The following ASPM variants were observed in gnomAD, a reference collection of about 807,000 sequenced individuals.
The protein encoded by ASPM is assembly factor for spindle microtubules.
A neutral mutation model predicts 366.4 loss-of-function variants in ASPM; 256 were observed. That is an observed-to-expected ratio of 0.70 (90% CI 0.63 to 0.77). The LOEUF (loss-of-function observed/expected upper bound fraction) is 0.77, where lower values mean the gene tolerates loss of function less well. Among genes scored for constraint, ASPM ranks in the 30% least tolerant of loss-of-function variants. ASPM has a pLI of 0.00. For synonymous variants in ASPM, 1,414 were observed against 1,342.9 expected (o/e 1.05, Z -1.16); for missense variants, 4,146 against 4,090.4 (o/e 1.01, Z -0.37).
At chr1:197,119,513 A>T (rs1657843018) in intron 16 of ASPM, among the ~76,000 whole-genome samples, 2 of 152,192 alleles carry the variant, frequency 1.3e-5, no homozygotes, top group Non-Finnish European at 2.9e-5. Context: ...TTTACATGCC[A>T]TTAGAGAATT....
chr1:197,132,868 C>G (rs1658305729), intron 6 of ASPM, among the ~76,000 whole-genome samples: 1 of 151,630 alleles, frequency 6.6e-6, no homozygotes, highest in South Asian at 2.1e-4. Flanking sequence ...ACTGAAATAG[C>G]CTAAGCATAG....
intron 1 of ASPM, among the ~76,000 whole-genome samples, chr1:197,145,549 CGACTCTAA>C (rs1048023354): frequency 3.3e-5 from 5 of 151,818 alleles, no homozygotes; most frequent in Non-Finnish European, 7.4e-5. Context: ...CCAGTTACCT[CGACTCTAA>C]GGGTACATAT....
At chr1:197,140,113 C>T (rs1658537728) in intron 3 of ASPM, among the ~76,000 whole-genome samples, 1 of 152,178 alleles carries the variant, frequency 6.6e-6, no homozygotes, top group Non-Finnish European at 1.5e-5. Context: ...CTAGATTCAA[C>T]CAAAACTTAT....
intron 6 of ASPM, 70 bp from the exon 7 acceptor site, chr1:197,132,422 G>A: frequency 1.5e-6 from 2 of 1,346,716 alleles, no homozygotes; most frequent in South Asian, 1.2e-5. Flanking sequence ...AAAACTTCAA[G>A]GAGAGTATAT....
rs1317702757 is a variant in ASPM at position 197,103,626 on chromosome 1, C to T, written c.5625G>A (p.Lys1875=). 1 of 1,612,850 alleles carries T rather than the reference C, an allele frequency of 6.2e-7. No homozygotes were observed. Among genetic ancestry groups the T allele is most frequent in the Admixed American group, 1.7e-5 (1 of 59,760 alleles). The change falls in exon 18 of 28, where the codon AAG becomes AAA. Residue 1875 remains lysine (K), a synonymous_variant. Coordinates refer to ENST00000367409, the MANE Select transcript of ASPM (RefSeq NM_018136.5). ...CAGACTGGAGGGAAATCACAGCTGC[C>T]TTTGTCTTCAAAAAATGTGTTCTTG... ...HDTRTHFLKT[K]AAVISLQSAY... is the part of the protein sequence containing the mutation.
At chr1:197,128,136 A>C (rs376657565) in intron 10 of ASPM, among the ~76,000 whole-genome samples, 4 of 151,578 alleles carry the variant, frequency 2.6e-5, no homozygotes, top group African/African-American at 7.3e-5. Flanking sequence ...TGCCCTCCAG[A>C]CTGGGCAACA....
In ASPM at chr1:197,101,427, A is replaced by C. The variant is rs1183075911; in HGVS notation, c.7824T>G (p.Val2608=). Residue 2608 remains valine, a synonymous_variant, in exon 18 of 28, where the codon GTT becomes GTG. Transcript: ENST00000367409. Reference sequence around the variant, plus strand: ...TGTTCATGTCCTGAAAACCTGCCTGAACACAAGTCTCTTTCTTAAGTTCAT... The same window carrying C: ...TGTTCATGTCCTGAAAACCTGCCTGCACACAAGTCTCTTTCTTAAGTTCAT... ...QHNELKKETC[V]QAGFQDMNIK... 6.2e-7 allele frequency: 1 copy of C among 1,608,776 alleles called. No individual in the cohort carries two copies. Among genetic ancestry groups the C allele is most frequent in the Admixed American group, 1.7e-5 (1 of 59,680 alleles).
chr1:197,135,141 T>C lies in ASPM; in HGVS notation c.2128A>G (p.Ile710Val). 1.2e-6 allele frequency: 2 copies of C among 1,611,014 alleles called. No individual in the cohort carries two copies. Among genetic ancestry groups the C allele is most frequent in the Non-Finnish European group, 1.7e-6 (2 of 1,177,268 alleles). Residue 710 changes from isoleucine (I) to valine (V), a missense_variant, in exon 5 of 28, where the codon ATA (isoleucine) becomes GTA (valine). By Grantham distance (29) the Ile-to-Val change is conservative. Transcript: ENST00000367409. ...ACAGTGAAGTCATCAGGGGTTAATA[T>C]AAAATTTAACCACCAAGTGAAGCCC... ...EQGFTWWLNF[I>V]LTPDDFTVKT...
chr1:197,106,069 G>A (rs1657400836), intron 17 of ASPM, among the ~76,000 whole-genome samples: 1 of 151,980 alleles, frequency 6.6e-6, no homozygotes, highest in African/African-American at 2.4e-5. Flanking sequence ...GTAATATAGG[G>A]ACTGGGTACC....
Position 197,090,349 on chromosome 1 carries a change from A to G in ASPM, c.9676T>C (p.Cys3226Arg). 3 of 1,612,070 alleles carry G rather than the reference A, an allele frequency of 1.9e-6. No homozygotes were observed. Among genetic ancestry groups the G allele is most frequent in the African/African-American group, 1.3e-5 (1 of 74,922 alleles). Reference sequence around the variant, plus strand: ...AGTCGTATAGCTTTAATTTTTGTACAATCATTTTTCTTCCTCCAAGAATAG... The same window carrying G: ...AGTCGTATAGCTTTAATTTTTGTACGATCATTTTTCTTCCTCCAAGAATAG... ...RGYSWRKKND[C>R]TKIKAIRLSL... Residue 3226 changes from cysteine (C) to arginine (R), a missense_variant, in exon 24 of 28, where the codon TGT (cysteine) becomes CGT (arginine). Transcript: ENST00000367409.
chr1:197,146,384 C>T lies in ASPM; in HGVS notation c.54G>A (p.Arg18=), dbSNP rs779499729. Residue 18 remains arginine, a synonymous_variant, in exon 1 of 28, where the codon CGG becomes CGA. Transcript: ENST00000367409. ...RGCWEVSPTE[R]RPPAGLRGPA... Reference sequence around the variant, plus strand: ...GGCCCCGCAGCCCCGCGGGCGGCCTCCGCTCGGTCGGGCTCACTTCCCAGC... The same window carrying T: ...GGCCCCGCAGCCCCGCGGGCGGCCTTCGCTCGGTCGGGCTCACTTCCCAGC... 1 of 1,609,902 alleles carries T rather than the reference C, an allele frequency of 6.2e-7. No homozygotes were observed. The highest frequency in any genetic ancestry group is 8.5e-7 in the Non-Finnish European group (1 of 1,179,238).
rs1483091338 is a variant in ASPM, at chr1:197,084,244, G to A, written c.*80C>T. The A allele has an allele frequency of 1.5e-5, 16 of 1,049,804 alleles. No individual in the cohort carries two copies. The highest frequency in any genetic ancestry group is 2.1e-4 in the Middle Eastern group (1 of 4,842). 65.0% of individuals were successfully genotyped at this position (1,049,804 alleles called of 1,614,324 possible). On this transcript the variant is annotated 3_prime_UTR_variant, in exon 28 of 28. Coordinates refer to ENST00000367409, the MANE Select transcript of ASPM (RefSeq NM_018136.5). ...AGTCAGATTTTAAAAGTTGTACACG[G>A]AGAGCAAAAATCACTTTACGTACTC...
chr1:197,102,995 G>A lies in ASPM; in HGVS notation c.6256C>T (p.Gln2086Ter). Residue 2086 changes from glutamine to a stop codon, truncating the protein, a stop_gained, in exon 18 of 28, where the codon CAG becomes TAG. Transcript: ENST00000367409. LOFTEE classifies it high-confidence loss of function. ...TTCAAATTAAGATACTCCTTATGCTGATGGTTTGTAATTTTAATACCTCGA... is the reference window on the plus strand; with the variant it reads ...TTCAAATTAAGATACTCCTTATGCTAATGGTTTGTAATTTTAATACCTCGA... ...WYRGIKITNH[Q>*]HKEYLNLKKT... is the part of the protein sequence containing the mutation. 2 of 1,612,204 alleles carry A rather than the reference G, an allele frequency of 1.2e-6. No homozygotes were observed. The highest frequency in any genetic ancestry group is 1.7e-6 in the Non-Finnish European group (2 of 1,178,996).
intron 4 of ASPM, among the ~76,000 whole-genome samples, chr1:197,137,386 T>C (rs925754075): frequency 2.0e-5 from 3 of 152,208 alleles, no homozygotes; most frequent in African/African-American, 4.8e-5. Flanking sequence ...GTAGTTTCCA[T>C]TAAAAGACCA....
At chr1:197,133,664 T>C in intron 5 of ASPM, 69 bp from the exon 6 acceptor site, 3 of 1,548,750 alleles carry the variant, frequency 1.9e-6, no homozygotes, top group Non-Finnish European at 2.7e-6. Context: ...AATCCAGCAA[T>C]AAAATGCAAT....
At chr1:197,107,888 A>C (rs892400028) in intron 17 of ASPM, among the ~76,000 whole-genome samples, 1 of 152,184 alleles carries the variant, frequency 6.6e-6, no homozygotes, top group Non-Finnish European at 1.5e-5. Context: ...GTAGTACAAA[A>C]GCAGCTCCCA....
intron 5 of ASPM, among the ~76,000 whole-genome samples, chr1:197,134,517 C>T (rs1658360601): frequency 6.6e-6 from 1 of 152,146 alleles, no homozygotes; most frequent in Admixed American, 6.6e-5. Context: ...TAAAAGTTAG[C>T]CTATATGATG....
chr1:197,133,849 T>G (rs977882729), intron 5 of ASPM, among the ~76,000 whole-genome samples: 1 of 152,202 alleles, frequency 6.6e-6, no homozygotes, highest in Non-Finnish European at 1.5e-5. Flanking sequence ...GACTAATGAA[T>G]TAACTTCCTC....
chr1:197,132,634 G>A (rs909134715), intron 6 of ASPM, among the ~76,000 whole-genome samples: 1 of 151,922 alleles, frequency 6.6e-6, no homozygotes, highest in Non-Finnish European at 1.5e-5. Context: ...GTTCATTGCA[G>A]CATTATCCAC....
Sources: gnomAD v4.1 joint callset for allele counts (sites outside exome capture counted in the v4.1 genomes callset) on GRCh38, gnomAD v4.1.1 for gene constraint, MANE v1.5 for transcripts, NCBI Gene and HGNC (gene_info 2026-07-23, HGNC 2026-07-21) for gene names.